PLXDC2: variants seen among roughly 807,000 people sequenced by gnomAD.
PLXDC2 encodes the protein plexin domain containing 2, also known as plexin domain-containing protein 2.
In PLXDC2, 40 loss-of-function variants were observed where a neutral mutation model predicts 68.9. The ratio of observed to expected loss-of-function variants is 0.58; its 90% CI spans 0.45 to 0.76. The LOEUF is 0.76. Ranked by LOEUF, PLXDC2 falls within the 30% of genes least tolerant of loss-of-function variation. PLXDC2 has a pLI of 0.00. For synonymous variants in PLXDC2, 243 were observed against 234.2 expected, an observed-to-expected ratio of 1.04 and a Z score of -0.34; for missense variants, 644 against 661.9, an observed-to-expected ratio of 0.97 and a Z score of 0.30.
chr10:20,021,824 A>G (rs2131658535), intron 2 of PLXDC2, among the ~76,000 whole-genome samples: 1 of 151,736 alleles, frequency 6.6e-6, no homozygotes, highest in South Asian at 2.1e-4. Flanking sequence ...TCAGCCTCCC[A>G]AGTAGCTGGG....
At chr10:20,125,691 T>C (rs1833763805) in intron 4 of PLXDC2, among the ~76,000 whole-genome samples, 1 of 152,196 alleles carries the variant, frequency 6.6e-6, no homozygotes, top group African/African-American at 2.4e-5. Flanking sequence ...TTCAGTGCAA[T>C]GCTCCTTATA....
chr10:20,004,539 G>A (rs1406663878), intron 2 of PLXDC2, among the ~76,000 whole-genome samples: 1 of 152,060 alleles, frequency 6.6e-6, no homozygotes, highest in African/African-American at 2.4e-5. Context: ...GATGGATATT[G>A]AAAGGGAAAA....
At position 20,091,055 on chromosome 10, in the gene PLXDC2, GC is replaced by G. The variant is rs1013152103; in HGVS notation, c.541+22823del. ...AGCTTTGTGAATTTAATTACTGCCA[GC>G]CCCCCCACACCCCGGTTTTAAAACA... On this transcript the variant is annotated intron_variant, in intron 4 of 13. Coordinates refer to ENST00000377252, the MANE Select transcript of PLXDC2 (RefSeq NM_032812.9). Among the ~76,000 whole-genome samples the G allele has an allele frequency of 2.8e-4, 43 of 152,074 alleles. 1 individual carries two copies. The South Asian group carries it at 3.9e-3, about 14-fold the overall frequency.
intron 13 of PLXDC2, among the ~76,000 whole-genome samples, chr10:20,247,404 G>GA (rs1835613432): frequency 6.6e-6 from 1 of 152,012 alleles, no homozygotes; most frequent in South Asian, 2.1e-4. Context: ...TTGAGCCCAG[G>GA]AAATCAAAGC....
rs557999662 is a variant in PLXDC2, at chr10:20,271,114, C to T, written c.1474-8589C>T. Among the ~76,000 whole-genome samples, 20 of 124,108 alleles carry T rather than the reference C, an allele frequency of 1.6e-4. No individual in the cohort carries two copies. In the East Asian group the frequency reaches 4.0e-3, roughly 25 times the overall value. 81.4% of individuals were successfully genotyped at this position (124,108 alleles called of 152,430 possible). A position where few individuals can be genotyped will look rare whatever the true frequency, so the allele number is the denominator to read the frequency against. On this transcript the variant is annotated intron_variant, in intron 13 of 13. Transcript: ENST00000377252. ...ATGTTGATGAATCAGAAAAGGGGACCGTTTAAGACAAAAAACAGACACACA... is the reference window on the plus strand; with the variant it reads ...ATGTTGATGAATCAGAAAAGGGGACTGTTTAAGACAAAAAACAGACACACA...
chr10:20,084,880 GAAA>G (rs11315173), intron 4 of PLXDC2, among the ~76,000 whole-genome samples: 2 of 140,014 alleles, frequency 1.4e-5, no homozygotes, highest in Non-Finnish European at 1.6e-5. Context: ...CGTGGCAGAG[GAAA>G]AAAAAAAAAA....
chr10:19,920,705 G>A (rs928143478), intron 1 of PLXDC2, among the ~76,000 whole-genome samples: 2 of 152,078 alleles, frequency 1.3e-5, no homozygotes, highest in Admixed American at 6.6e-5. Flanking sequence ...CCACAGGCAT[G>A]CACCATCACA....
At position 19,965,710 on chromosome 10, in the gene PLXDC2, GT is replaced by G. The variant is rs5783709; in HGVS notation, c.113-36057del. ...GCACAGCAGATTTCTCTGGAAAACA[GT>G]TTTTTTTGGGGGGGGGGGTTACATA... On this transcript the variant is annotated intron_variant, in intron 1 of 13. Transcript: ENST00000377252. Among the ~76,000 whole-genome samples the G allele has an allele frequency of 1.2e-3, 136 of 111,158 alleles. 1 individual carries two copies. In the South Asian group the frequency reaches 0.037, roughly 30 times the overall value. The allele number at this position is 111,158 out of a possible 152,430, so 72.9% of individuals were successfully genotyped here.
At chr10:19,927,663 T>C (rs1042456699) in intron 1 of PLXDC2, among the ~76,000 whole-genome samples, 18 of 124,314 alleles carry the variant, frequency 1.4e-4, no homozygotes, top group African/African-American at 1.9e-4. Context: ...GATTGCCCAC[T>C]GCACGCCAGC....
At chr10:19,960,117 G>A (rs929906952) in intron 1 of PLXDC2, among the ~76,000 whole-genome samples, 5 of 149,204 alleles carry the variant, frequency 3.4e-5, no homozygotes, top group African/African-American at 9.9e-5. Context: ...CAGTGCTTTG[G>A]GGGGCTGAGG....
At chr10:19,885,011 C>T (rs545206478) in intron 1 of PLXDC2, among the ~76,000 whole-genome samples, 22 of 152,132 alleles carry the variant, frequency 1.4e-4, no homozygotes, top group Non-Finnish European at 1.8e-4. Context: ...CTCTCCAGCA[C>T]CTGTTGTTTC....
At chr10:20,225,059 A>G (rs1835268046) in intron 12 of PLXDC2, among the ~76,000 whole-genome samples, 2 of 152,234 alleles carry the variant, frequency 1.3e-5, no homozygotes, top group East Asian at 1.9e-4. Flanking sequence ...ACAAATCTGC[A>G]AAGTGATTGA....
intron 13 of PLXDC2, among the ~76,000 whole-genome samples, chr10:20,256,461 G>GTGTGTTTTAACACTAA (rs370079148): frequency 0.46 from 70,075 of 151,782 alleles, 17,702 homozygotes; most frequent in Middle Eastern, 0.63. Flanking sequence ...CACTGAGACT[G>GTGTGTTTTAACACTAA]CACCAAATGT....
intron 2 of PLXDC2, among the ~76,000 whole-genome samples, chr10:20,039,166 C>T (rs1188887251): frequency 6.6e-6 from 1 of 152,172 alleles, no homozygotes; most frequent in African/African-American, 2.4e-5. Context: ...CCTTCCTGAT[C>T]TACCCACAAC....
At chr10:20,048,223 T>C (rs745869838) in intron 3 of PLXDC2, among the ~76,000 whole-genome samples, 3 of 152,146 alleles carry the variant, frequency 2.0e-5, no homozygotes, top group Non-Finnish European at 2.9e-5. Flanking sequence ...TAGATGTTCC[T>C]GTTATCAGGA....
At position 19,933,391 on chromosome 10, in the gene PLXDC2, G is replaced by A. The variant is rs368911856; in HGVS notation, c.113-68384G>A. Among the ~76,000 whole-genome samples the A allele has an allele frequency of 5.9e-5, 9 of 152,134 alleles. No homozygotes were observed. In the East Asian group the frequency reaches 9.7e-4, roughly 16 times the overall value. On this transcript the variant is annotated intron_variant, in intron 1 of 13. Transcript: ENST00000377252. ...TGGCTCATGCCTGTAATTCCAGCACGTTGGGAGGCTGAGGTGGGTGGATCA... is the reference window on the plus strand; with the variant it reads ...TGGCTCATGCCTGTAATTCCAGCACATTGGGAGGCTGAGGTGGGTGGATCA...
At chr10:20,030,791 C>T (rs1835490053) in intron 2 of PLXDC2, among the ~76,000 whole-genome samples, 1 of 152,130 alleles carries the variant, frequency 6.6e-6, no homozygotes, top group South Asian at 2.1e-4. Context: ...GTGTGGGTTT[C>T]TGGGGAACTC....
At chr10:20,035,621 G>C (rs867280330) in intron 2 of PLXDC2, among the ~76,000 whole-genome samples, 1 of 152,002 alleles carries the variant, frequency 6.6e-6, no homozygotes, top group Non-Finnish European at 1.5e-5. Flanking sequence ...GTTTGAACCC[G>C]GGAGGTGGAA....
At chr10:19,995,821 G>A (rs573720983) in intron 1 of PLXDC2, among the ~76,000 whole-genome samples, 11 of 152,168 alleles carry the variant, frequency 7.2e-5, no homozygotes, top group Admixed American at 5.9e-4. Flanking sequence ...GTCAAGAGAA[G>A]TTCATTTAAA....
Sources: gnomAD v4.1 joint callset for allele counts (sites outside exome capture counted in the v4.1 genomes callset) on GRCh38, gnomAD v4.1.1 for gene constraint, MANE v1.5 for transcripts, NCBI Gene and HGNC (gene_info 2026-07-23, HGNC 2026-07-21) for gene names.